Variants in FZD7 observed in about 807,000 individuals in gnomAD.
FZD7 encodes frizzled class receptor 7.
Under a neutral mutation model 39.0 loss-of-function variants are expected in FZD7, and 21 were observed. That is an observed-to-expected ratio of 0.54 (90% CI 0.38 to 0.78). The LOEUF (loss-of-function observed/expected upper bound fraction) is 0.78, where lower values mean the gene tolerates loss of function less well. Among genes scored for constraint, FZD7 ranks in the 30% least tolerant of loss-of-function variants. The probability of loss-of-function intolerance (pLI) is 0.00; values close to 1 mark genes in which losing one functional copy is unlikely to be tolerated. For synonymous variants in FZD7, 428 were observed against 364.9 expected, an observed-to-expected ratio of 1.17 and a Z score of -1.97; for missense variants, 695 against 805.0, an observed-to-expected ratio of 0.86 and a Z score of 1.65.
chr2:202,034,479 C>G lies in FZD7; in HGVS notation c.-169C>G, dbSNP rs1688702760. On this transcript the variant is annotated 5_prime_UTR_variant, in exon 1 of 1. Coordinates refer to ENST00000286201, the MANE Select transcript of FZD7 (RefSeq NM_003507.2). Reference sequence around the variant, plus strand: ...CGGCGTCTGCGGCGCCTTCGCGGCGCGGGCACCCAGGCGGCAGCGCCCTTT... The same window carrying G: ...CGGCGTCTGCGGCGCCTTCGCGGCGGGGGCACCCAGGCGGCAGCGCCCTTT... The G allele has an allele frequency of 2.4e-6, 1 of 414,170 alleles. No individual in the cohort carries two copies. The highest frequency in any genetic ancestry group is 4.0e-6 in the Non-Finnish European group (1 of 249,600). 25.7% of individuals were successfully genotyped at this position (414,170 alleles called of 1,614,324 possible).
In FZD7 at chr2:202,036,064, G is replaced by A. The variant is rs201191053; in HGVS notation, c.1417G>A (p.Val473Ile). The change falls in exon 1 of 1, where the codon GTC (valine) becomes ATC (isoleucine). Residue 473 changes from valine to isoleucine, a missense_variant. By Grantham distance (29) the Val-to-Ile change is conservative (BLOSUM62 3). Transcript: ENST00000286201. The part of the protein sequence containing the change: ...KLEKLMVRIG[V>I]FSVLYTVPAT... ...GGAGAAGCTCATGGTGCGCATCGGC[G>A]TCTTCAGCGTGCTCTACACAGTGCC... The A allele has an allele frequency of 1.9e-6, 3 of 1,613,874 alleles. No individual in the cohort carries two copies. Among genetic ancestry groups the A allele is most frequent in the Admixed American group, 1.7e-5 (1 of 59,998 alleles).
At position 202,033,931 on chromosome 2, in the gene FZD7, G is replaced by A. The variant is rs1688686393; in HGVS notation, c.-717G>A. ...CGCCAGGACTCGCTGCTGGGGCTGCGAGGGGCTGGAGGGGCCGGGGCCAGG... is the reference window on the plus strand; with the variant it reads ...CGCCAGGACTCGCTGCTGGGGCTGCAAGGGGCTGGAGGGGCCGGGGCCAGG... On this transcript the variant is annotated 5_prime_UTR_variant, in exon 1 of 1. Transcript: ENST00000286201. Among the ~76,000 whole-genome samples the A allele has an allele frequency of 6.7e-6, 1 of 149,934 alleles. No individual in the cohort carries two copies. Among genetic ancestry groups the A allele is most frequent in the African/African-American group, 2.4e-5 (1 of 41,252 alleles).
rs1559183675 is a variant in FZD7, at chr2:202,033,862, G to A, written c.-786G>A. On this transcript the variant is annotated 5_prime_UTR_variant, in exon 1 of 1. Transcript: ENST00000286201. ...CCAGCGCGACTCCGAGGCGTTAGTC[G>A]GCGCTCACTCCCGGCGGGCGGCGGC... Among the ~76,000 whole-genome samples the A allele has an allele frequency of 1.3e-5, 2 of 150,894 alleles. No homozygotes were observed. The highest frequency in any genetic ancestry group is 6.6e-5 in the Admixed American group (1 of 15,158).
In FZD7 at chr2:202,035,747, T is replaced by C; in HGVS notation, c.1100T>C (p.Met367Thr). The C allele has an allele frequency of 6.2e-7, 1 of 1,614,054 alleles. No homozygotes were observed. The highest frequency in any genetic ancestry group is 8.5e-7 in the Non-Finnish European group (1 of 1,180,034). Residue 367 changes from methionine (M) to threonine (T), a missense_variant, in exon 1 of 1, where the codon ATG becomes ACG. Met to Thr is a moderately conservative substitution (Grantham distance 81). Transcript: ENST00000286201. Reference protein sequence around the residue: ...LSLTWFLAAGMKWGHEAIEAN... With the variant: ...LSLTWFLAAGTKWGHEAIEAN... Reference sequence around the variant, plus strand: ...CTCACTTGGTTCCTGGCGGCCGGCATGAAGTGGGGCCACGAGGCCATCGAG... The same window carrying C: ...CTCACTTGGTTCCTGGCGGCCGGCACGAAGTGGGGCCACGAGGCCATCGAG...
At position 202,034,201 on chromosome 2, in the gene FZD7, G is replaced by A. The variant is rs1391976417; in HGVS notation, c.-447G>A. 6.6e-6 allele frequency among the ~76,000 whole-genome samples: 1 copy of A among 151,086 alleles called. No homozygotes were observed. Among genetic ancestry groups the A allele is most frequent in the African/African-American group, 2.4e-5 (1 of 41,122 alleles). ...CAGCACCGCGGAGGCGGCGGCCGGG[G>A]CGAGCGAGCGGCGGCGGCAGGGGTT... On this transcript the variant is annotated 5_prime_UTR_variant, in exon 1 of 1. Coordinates refer to ENST00000286201, the MANE Select transcript of FZD7 (RefSeq NM_003507.2).
rs1340861938 is a variant in FZD7 at position 202,038,431 on chromosome 2, T to A, written c.*2059T>A. 6.3e-6 allele frequency: 1 copy of A among 157,868 alleles called. No individual in the cohort carries two copies. The highest frequency in any genetic ancestry group is 2.4e-5 in the African/African-American group (1 of 41,458). The allele number at this position is 157,868 out of a possible 1,614,324, so 9.8% of individuals were successfully genotyped here. A position where few individuals can be genotyped will look rare whatever the true frequency, so the allele number is the denominator to read the frequency against. ...TGTACAGATCACAAATAAATTTTTT[T>A]AAATACAAAATGAACATTTATTTAG... On this transcript the variant is annotated 3_prime_UTR_variant, in exon 1 of 1. Transcript: ENST00000286201.
rs1459713280 is a variant in FZD7 at position 202,033,905 on chromosome 2, G to A, written c.-743G>A. ...GCGGCGGCGGCGGCGGCGGCGGCGGGCGCCAGGACTCGCTGCTGGGGCTGC... is the reference window on the plus strand; with the variant it reads ...GCGGCGGCGGCGGCGGCGGCGGCGGACGCCAGGACTCGCTGCTGGGGCTGC... On this transcript the variant is annotated 5_prime_UTR_variant, in exon 1 of 1. Coordinates refer to ENST00000286201, the MANE Select transcript of FZD7 (RefSeq NM_003507.2). Among the ~76,000 whole-genome samples the A allele has an allele frequency of 1.4e-5, 2 of 146,992 alleles. No individual in the cohort carries two copies. Among genetic ancestry groups the A allele is most frequent in the African/African-American group, 5.0e-5 (2 of 39,828 alleles).
In FZD7 at chr2:202,035,976, C is replaced by A. The variant is rs758243705; in HGVS notation, c.1329C>A (p.Gly443=). Residue 443 remains glycine (G), a synonymous_variant, in exon 1 of 1, where the codon GGC becomes GGA. Transcript: ENST00000286201. ...TAGGCACGTCCTTCTTGCTGGCCGG[C>A]TTCGTGTCCCTCTTCCGTATCCGCA... ...LFIGTSFLLA[G]FVSLFRIRTI... 6.2e-7 allele frequency: 1 copy of A among 1,614,208 alleles called. No homozygotes were observed. Among genetic ancestry groups the A allele is most frequent in the Admixed American group, 1.7e-5 (1 of 60,032 alleles).
chr2:202,036,207 C>A lies in FZD7; in HGVS notation c.1560C>A (p.Phe520Leu). Residue 520 changes from phenylalanine to leucine, a missense_variant, in exon 1 of 1, where the codon TTC (phenylalanine) becomes TTA (leucine). By Grantham distance (22) the Phe-to-Leu change is conservative. Coordinates refer to ENST00000286201, the MANE Select transcript of FZD7 (RefSeq NM_003507.2). ...CCGTGCCCTGCCCGCCCGGCCACTT[C>A]CCGCCCATGAGCCCCGACTTCACCG... ...SYAVPCPPGH[F>L]PPMSPDFTVF... is the part of the protein sequence containing the mutation. The A allele has an allele frequency of 1.2e-6, 2 of 1,613,666 alleles. No individual in the cohort carries two copies. The highest frequency in any genetic ancestry group is 1.7e-6 in the Non-Finnish European group (2 of 1,180,026).
chr2:202,036,354 G>A lies in FZD7; in HGVS notation c.1707G>A (p.Lys569=), dbSNP rs759567940. 16 of 1,611,510 alleles carry A rather than the reference G, an allele frequency of 9.9e-6. No individual in the cohort carries two copies. In the South Asian group the frequency reaches 1.8e-4, roughly 18 times the overall value. ...RFYHRLSHSS[K]GETAV ...ACCACAGACTTAGCCACAGCAGCAAGGGGGAGACTGCGGTATGAGCCCCGG... is the reference window on the plus strand; with the variant it reads ...ACCACAGACTTAGCCACAGCAGCAAAGGGGAGACTGCGGTATGAGCCCCGG... The change falls in exon 1 of 1, where the codon AAG becomes AAA. Residue 569 remains lysine (K), a synonymous_variant. Transcript: ENST00000286201.
Position 202,037,122 on chromosome 2 carries a change from A to C in FZD7, c.*750A>C, listed in dbSNP as rs987700048. 5 of 166,860 alleles carry C rather than the reference A, an allele frequency of 3.0e-5. No homozygotes were observed. Among genetic ancestry groups the C allele is most frequent in the African/African-American group, 1.2e-4 (5 of 41,342 alleles). The allele number at this position is 166,860 out of a possible 1,614,324, so 10.3% of individuals were successfully genotyped here. A position where few individuals can be genotyped will look rare whatever the true frequency, so the allele number is the denominator to read the frequency against. ...GAGTAGGTATTTTTGCTACTTTTTC[A>C]TTTTCTGGGGAAGGCAGGAGGCAGA... On this transcript the variant is annotated 3_prime_UTR_variant, in exon 1 of 1. Coordinates refer to ENST00000286201, the MANE Select transcript of FZD7 (RefSeq NM_003507.2).
At position 202,035,067 on chromosome 2, in the gene FZD7, C is replaced by T. The variant is rs1314087965; in HGVS notation, c.420C>T (p.Phe140=). 1.2e-6 allele frequency: 2 copies of T among 1,611,992 alleles called. No homozygotes were observed. Residue 140 remains phenylalanine, a synonymous_variant, in exon 1 of 1, where the codon TTC becomes TTT. Coordinates refer to ENST00000286201, the MANE Select transcript of FZD7 (RefSeq NM_003507.2). ...GCEALMNKFG[F]QWPERLRCEN... Reference sequence around the variant, plus strand: ...AGGCGCTCATGAACAAGTTCGGCTTCCAGTGGCCCGAGCGGCTGCGCTGCG... The same window carrying T: ...AGGCGCTCATGAACAAGTTCGGCTTTCAGTGGCCCGAGCGGCTGCGCTGCG...
chr2:202,034,545 C>G lies in FZD7; in HGVS notation c.-103C>G. ...CGGCCCGGCCCCGGCGCCGTGAGGA[C>G]TCTCATGCGTCGGGCGCGGCGGCGC... On this transcript the variant is annotated 5_prime_UTR_variant, in exon 1 of 1. Coordinates refer to ENST00000286201, the MANE Select transcript of FZD7 (RefSeq NM_003507.2). 2.9e-6 allele frequency: 3 copies of G among 1,018,344 alleles called. No individual in the cohort carries two copies. Among genetic ancestry groups the G allele is most frequent in the Non-Finnish European group, 4.1e-6 (3 of 729,026 alleles). The allele number at this position is 1,018,344 out of a possible 1,614,324, so 63.1% of individuals were successfully genotyped here.
chr2:202,034,069 T>C lies in FZD7; in HGVS notation c.-579T>C, dbSNP rs1006717664. On this transcript the variant is annotated 5_prime_UTR_variant, in exon 1 of 1. Transcript: ENST00000286201. Reference sequence around the variant, plus strand: ...ATCGGACTCAGCAAGAGCCGGCCGTTTGGCTGAAACTTGGGGCCGAGCTTT... The same window carrying C: ...ATCGGACTCAGCAAGAGCCGGCCGTCTGGCTGAAACTTGGGGCCGAGCTTT... 3.3e-5 allele frequency among the ~76,000 whole-genome samples: 5 copies of C among 151,834 alleles called. No homozygotes were observed. The highest frequency in any genetic ancestry group is 1.2e-4 in the African/African-American group (5 of 41,394).
chr2:202,035,366 A>T lies in FZD7; in HGVS notation c.719A>T (p.Asn240Ile). Reference protein sequence around the residue: ...CGAPCEPGRANGLMYFKEEER... With the variant: ...CGAPCEPGRAIGLMYFKEEER... ...GCCCCGTGCGAACCGGGCCGTGCCA[A>T]CGGCCTGATGTACTTTAAGGAGGAG... The change falls in exon 1 of 1, where the codon AAC becomes ATC. Residue 240 changes from asparagine (N) to isoleucine (I), a missense_variant. Asn to Ile is a moderately radical substitution (Grantham distance 149). Transcript: ENST00000286201. 1 of 1,612,944 alleles carries T rather than the reference A, an allele frequency of 6.2e-7. No individual in the cohort carries two copies. Among genetic ancestry groups the T allele is most frequent in the Non-Finnish European group, 8.5e-7 (1 of 1,179,908 alleles).
In FZD7 at chr2:202,034,335, C is replaced by G. The variant is rs1025345901; in HGVS notation, c.-313C>G. Among the ~76,000 whole-genome samples, 3 of 151,764 alleles carry G rather than the reference C, an allele frequency of 2.0e-5. No homozygotes were observed. Among genetic ancestry groups the G allele is most frequent in the Non-Finnish European group, 4.4e-5 (3 of 67,896 alleles). ...GGTGCCGGAGCCGCTTGTTGCTCCT[C>G]GCGGCGGAGGGAGCCGCACCGTTAC... On this transcript the variant is annotated 5_prime_UTR_variant, in exon 1 of 1. Coordinates refer to ENST00000286201, the MANE Select transcript of FZD7 (RefSeq NM_003507.2).
chr2:202,035,517 C>G lies in FZD7; in HGVS notation c.870C>G (p.Ile290Met), dbSNP rs982963006. ...RRFSYPERPIIFLSGCYFMVA... is the reference protein window; with the variant it reads ...RRFSYPERPIMFLSGCYFMVA... ...TCAGCTACCCAGAGCGGCCCATCATCTTCCTGTCGGGCTGCTACTTCATGG... is the reference window on the plus strand; with the variant it reads ...TCAGCTACCCAGAGCGGCCCATCATGTTCCTGTCGGGCTGCTACTTCATGG... Residue 290 changes from isoleucine to methionine, a missense_variant, in exon 1 of 1, where the codon ATC becomes ATG. Physicochemically the swap from Ile to Met is conservative, Grantham distance 10 (BLOSUM62 1). Transcript: ENST00000286201. 27 of 1,614,088 alleles carry G rather than the reference C, an allele frequency of 1.7e-5. No homozygotes were observed. Among genetic ancestry groups the G allele is most frequent in the Non-Finnish European group, 2.2e-5 (26 of 1,180,052 alleles).
chr2:202,035,451 G>A lies in FZD7; in HGVS notation c.804G>A (p.Thr268=), dbSNP rs1157623835. Residue 268 remains threonine (T), a synonymous_variant, in exon 1 of 1, where the codon ACG becomes ACA. Transcript: ENST00000286201. The part of the protein sequence containing the change: ...GVWSVLCCAS[T]LFTVLTYLVD... ...GGTCCGTGCTGTGCTGCGCCTCGAC[G>A]CTCTTTACCGTTCTCACCTACCTGG... The A allele has an allele frequency of 6.2e-7, 1 of 1,614,092 alleles. No homozygotes were observed. The highest frequency in any genetic ancestry group is 1.7e-5 in the Admixed American group (1 of 60,036).
rs762470360 is a variant in FZD7 at position 202,035,445 on chromosome 2, C to G, written c.798C>G (p.Ala266=). Residue 266 remains alanine (A), a synonymous_variant, in exon 1 of 1, where the codon GCC becomes GCG. Coordinates refer to ENST00000286201, the MANE Select transcript of FZD7 (RefSeq NM_003507.2). ...GCGTGTGGTCCGTGCTGTGCTGCGCCTCGACGCTCTTTACCGTTCTCACCT... is the reference window on the plus strand; with the variant it reads ...GCGTGTGGTCCGTGCTGTGCTGCGCGTCGACGCTCTTTACCGTTCTCACCT... The part of the protein sequence containing the change: ...WVGVWSVLCC[A]STLFTVLTYL... 3 of 1,613,992 alleles carry G rather than the reference C, an allele frequency of 1.9e-6. No homozygotes were observed. Among genetic ancestry groups the G allele is most frequent in the African/African-American group, 1.3e-5 (1 of 74,956 alleles).
Sources: allele counts gnomAD v4.1 joint callset (sites outside exome capture counted in the v4.1 genomes callset), GRCh38; gene constraint gnomAD v4.1.1; transcripts MANE v1.5; gene names NCBI Gene and HGNC (gene_info 2026-07-23, HGNC 2026-07-21).